ZDHHC14: variants seen among roughly 807,000 people sequenced by gnomAD.
ZDHHC14 encodes zDHHC palmitoyltransferase 14.
ZDHHC14 carries 16 observed loss-of-function variants against 47.7 expected under a neutral mutation model. That is an observed-to-expected ratio of 0.34 (90% CI 0.23 to 0.51). The LOEUF is 0.51. Ranked by LOEUF, ZDHHC14 falls within the 20% of genes least tolerant of loss-of-function variation. The pLI, the probability that ZDHHC14 is intolerant of heterozygous loss-of-function variation, is 0.97. For synonymous variants in ZDHHC14, 293 were observed against 278.9 expected, an observed-to-expected ratio of 1.05 and a Z score of -0.50; for missense variants, 515 against 662.5, an observed-to-expected ratio of 0.78 and a Z score of 2.44.
intron 7 of ZDHHC14, among the ~76,000 whole-genome samples, chr6:157,651,725 C>G (rs186876064): frequency 6.6e-6 from 1 of 152,156 alleles, no homozygotes; most frequent in Non-Finnish European, 1.5e-5. Context: ...TGTGCCATCA[C>G]GCCTGGCTAA....
At chr6:157,633,369 C>T (rs1776801910) in intron 5 of ZDHHC14, among the ~76,000 whole-genome samples, 2 of 152,090 alleles carry the variant, frequency 1.3e-5, no homozygotes, top group African/African-American at 4.8e-5. Context: ...CCTTTTAAAC[C>T]CTGAATAGAT....
intron 4 of ZDHHC14, chr6:157,630,550 T>A (rs1034401098): frequency 6.8e-6 from 1 of 147,518 alleles, no homozygotes; most frequent in Non-Finnish European, 1.5e-5. Flanking sequence ...ACACCCACAC[T>A]CTCACATACC....
chr6:157,673,020 C>A lies in ZDHHC14; in HGVS notation c.1365C>A (p.Ser455Arg). 6.4e-7 allele frequency: 1 copy of A among 1,567,292 alleles called. No individual in the cohort carries two copies. Reference sequence around the variant, plus strand: ...CCCCCAGGCTACTGGCGGCGGGCAGCCCCCTGGCGCACAGCCGCACCATGC... The same window carrying A: ...CCCCCAGGCTACTGGCGGCGGGCAGACCCCTGGCGCACAGCCGCACCATGC... ...PSPPRLLAAG[S>R]PLAHSRTMHV... Residue 455 changes from serine to arginine, a missense_variant, in exon 9 of 9, where the codon AGC becomes AGA. By Grantham distance (110) the Ser-to-Arg change is moderately radical. Around this residue, in one of 4 missense-constraint regions of ZDHHC14, gnomAD observed 221 missense variants for 233.6 expected, o/e 0.95. Coordinates refer to ENST00000359775, the MANE Select transcript of ZDHHC14 (RefSeq NM_024630.3). This position sits in a 1 kb window ranked among gnomAD's most constrained non-coding sequence, Gnocchi z 5.4.
intron 3 of ZDHHC14, among the ~76,000 whole-genome samples, chr6:157,600,918 C>A (rs550513616): frequency 6.6e-6 from 1 of 152,286 alleles, no homozygotes; most frequent in African/African-American, 2.4e-5. Flanking sequence ...ATCCAAGGGG[C>A]CCAGTGTAAT....
At chr6:157,450,568 T>G (rs556049853) in intron 1 of ZDHHC14, among the ~76,000 whole-genome samples, 3 of 152,162 alleles carry the variant, frequency 2.0e-5, no homozygotes, top group Non-Finnish European at 4.4e-5. Flanking sequence ...TCTTCATTTT[T>G]GTTTGGAATG....
intron 1 of ZDHHC14, among the ~76,000 whole-genome samples, chr6:157,471,339 G>C (rs756777079): frequency 6.6e-6 from 1 of 152,184 alleles, no homozygotes; most frequent in Non-Finnish European, 1.5e-5. Context: ...CTTTGACTAC[G>C]GTGGGCAGGC....
At chr6:157,663,356 G>C (rs562644421) in intron 8 of ZDHHC14, among the ~76,000 whole-genome samples, 28 of 152,334 alleles carry the variant, frequency 1.8e-4, no homozygotes, top group African/African-American at 6.5e-4. Context: ...GCTCCTAGTG[G>C]ACAGGAGTCC....
At chr6:157,549,861 C>T (rs1442655127) in intron 2 of ZDHHC14, among the ~76,000 whole-genome samples, 2 of 152,196 alleles carry the variant, frequency 1.3e-5, no homozygotes, top group African/African-American at 4.8e-5. Context: ...GAAATCCAAA[C>T]TTGTGGGAAT....
chr6:157,409,843 G>C lies in ZDHHC14; in HGVS notation c.245+27577G>C, dbSNP rs539296403. Among the ~76,000 whole-genome samples the C allele has an allele frequency of 7.1e-4, 108 of 151,676 alleles. 1 individual carries two copies. In the South Asian group the frequency reaches 9.8e-3, roughly 14 times the overall value. On this transcript the variant is annotated intron_variant, in intron 1 of 8. Coordinates refer to ENST00000359775, the MANE Select transcript of ZDHHC14 (RefSeq NM_024630.3). Reference sequence around the variant, plus strand: ...TTATTTTATTATTTTATTTTTTGGGGGGGGGGACAGAGTCTTCTTCTGTCA... The same window carrying C: ...TTATTTTATTATTTTATTTTTTGGGCGGGGGGACAGAGTCTTCTTCTGTCA...
chr6:157,511,547 C>CTTTTTTTTTTT (rs34988240), intron 1 of ZDHHC14, among the ~76,000 whole-genome samples: 4,108 of 114,312 alleles, frequency 0.036, 160 homozygotes, highest in African/African-American at 0.06. Flanking sequence ...AGCCCGGGTA[C>CTTTTTTTTTTT]TTTTTTTTTT....
chr6:157,640,517 G>A (rs1777198587), intron 5 of ZDHHC14, among the ~76,000 whole-genome samples: 2 of 152,202 alleles, frequency 1.3e-5, no homozygotes, highest in African/African-American at 4.8e-5. Context: ...GATACCTGCT[G>A]ATCCTGAGAG....
chr6:157,472,462 C>T (rs1427375967), intron 1 of ZDHHC14, among the ~76,000 whole-genome samples: 9 of 152,124 alleles, frequency 5.9e-5, no homozygotes. Context: ...TCAGACTATG[C>T]TGCTTGACCT....
intron 1 of ZDHHC14, among the ~76,000 whole-genome samples, chr6:157,390,824 C>T (rs1419041954): frequency 6.6e-6 from 1 of 152,072 alleles, no homozygotes; most frequent in Non-Finnish European, 1.5e-5. Flanking sequence ...ATTAATCATC[C>T]TTTAATAATT....
At chr6:157,518,850 G>A (rs1037241912) in intron 1 of ZDHHC14, among the ~76,000 whole-genome samples, 1 of 152,248 alleles carries the variant, frequency 6.6e-6, no homozygotes. Context: ...ATTCTTGTGA[G>A]GGGTGTAGTC....
Position 157,586,705 on chromosome 6 carries a change from C to CT in ZDHHC14, c.407-6281dup. Reference sequence around the variant, plus strand: ...TCGGCAACCCCTGGTGCAGCACCGGCTTATAGTAAATCCTTCATAAATATT... The same window carrying CT: ...TCGGCAACCCCTGGTGCAGCACCGGCTTTATAGTAAATCCTTCATAAATATT... On this transcript the variant is annotated intron_variant, in intron 2 of 8. Transcript: ENST00000359775. This position sits in a 1 kb window ranked among gnomAD's most constrained non-coding sequence, Gnocchi z 4.6. Among the ~76,000 whole-genome samples the CT allele has an allele frequency of 6.6e-6, 1 of 152,094 alleles. No homozygotes were observed. The highest frequency in any genetic ancestry group is 1.5e-5 in the Non-Finnish European group (1 of 68,020).
At chr6:157,611,376 G>A (rs1583017631) in intron 3 of ZDHHC14, among the ~76,000 whole-genome samples, 1 of 152,186 alleles carries the variant, frequency 6.6e-6, no homozygotes, top group South Asian at 2.1e-4. Flanking sequence ...ATTTTTTAAG[G>A]TATCACGTCT....
chr6:157,584,580 A>C (rs1470601042), intron 2 of ZDHHC14, among the ~76,000 whole-genome samples: 1 of 152,184 alleles, frequency 6.6e-6, no homozygotes, highest in Non-Finnish European at 1.5e-5. Context: ...CTATTCCCTC[A>C]GGAAGAAAAG....
intron 5 of ZDHHC14, among the ~76,000 whole-genome samples, chr6:157,638,983 G>A (rs1777114367): frequency 6.6e-6 from 1 of 152,246 alleles, no homozygotes; most frequent in African/African-American, 2.4e-5. Flanking sequence ...CCCATCTGCA[G>A]GGCCATGCCT....
chr6:157,646,079 G>A (rs1777541502), intron 6 of ZDHHC14, among the ~76,000 whole-genome samples: 2 of 152,148 alleles, frequency 1.3e-5, no homozygotes, highest in African/African-American at 4.8e-5. Flanking sequence ...GATTGGCCAA[G>A]CAACACCCAT....
Sources: allele counts gnomAD v4.1 joint callset (sites outside exome capture counted in the v4.1 genomes callset), GRCh38; gene constraint gnomAD v4.1.1; regional missense constraint gnomAD v4.1.1; non-coding constraint Gnocchi (gnomAD v3.1); transcripts MANE v1.5; gene names NCBI Gene and HGNC (gene_info 2026-07-23, HGNC 2026-07-21).